AFF1: variants seen among roughly 807,000 people sequenced by gnomAD.
AFF1 encodes the protein ALF transcription elongation factor 1, also known as AF4/FMR2 family member 1.
Under a neutral mutation model 121.7 loss-of-function variants are expected in AFF1, and 48 were observed. The observed-to-expected ratio is 0.39, with a 90% CI of 0.31 to 0.50. The LOEUF (loss-of-function observed/expected upper bound fraction) is 0.50. Ranked by LOEUF, AFF1 falls within the 20% of genes least tolerant of loss-of-function variation. AFF1 has a pLI of 0.76. For missense variants in AFF1, 1,523 were observed against 1,511.7 expected, an observed-to-expected ratio of 1.01 and a Z score of -0.12; for synonymous variants, 613 against 563.0, an observed-to-expected ratio of 1.09 and a Z score of -1.26.
intron 2 of AFF1, among the ~76,000 whole-genome samples, chr4:86,998,960 C>T (rs1725477231): frequency 6.6e-6 from 1 of 152,260 alleles, no homozygotes; most frequent in South Asian, 2.1e-4. Context: ...GTGATTGGCT[C>T]ATAAATTAGG....
At chr4:87,050,781 C>T (rs1032097790) in intron 4 of AFF1, among the ~76,000 whole-genome samples, 6 of 148,480 alleles carry the variant, frequency 4.0e-5, no homozygotes, top group African/African-American at 1.2e-4. Flanking sequence ...CCCAGAACTC[C>T]GCGATCTCAC....
chr4:87,127,160 T>A, intron 15 of AFF1, 43 bp downstream of exon 15: 1 of 1,474,268 alleles, frequency 6.8e-7, no homozygotes, highest in Non-Finnish European at 9.3e-7. Flanking sequence ...TTTGTTTTGT[T>A]TTGCTTCCCC....
At chr4:86,983,276 C>T (rs1042046462) in intron 2 of AFF1, among the ~76,000 whole-genome samples, 10 of 152,104 alleles carry the variant, frequency 6.6e-5, no homozygotes, top group Admixed American at 3.3e-4. Context: ...TCCTGTAATC[C>T]CAGCATTTTG....
chr4:87,056,397 C>G (rs1267963875), intron 4 of AFF1, among the ~76,000 whole-genome samples: 2 of 152,166 alleles, frequency 1.3e-5, no homozygotes, highest in Non-Finnish European at 2.9e-5. Context: ...CAACCCCACA[C>G]TATATTATAG....
At chr4:86,988,844 A>C (rs1367325391) in intron 2 of AFF1, among the ~76,000 whole-genome samples, 3 of 152,196 alleles carry the variant, frequency 2.0e-5, no homozygotes, top group African/African-American at 4.8e-5. Context: ...ACAGATACAT[A>C]GACCAATGGA....
chr4:87,095,338 C>G (rs1035586486), intron 8 of AFF1, among the ~76,000 whole-genome samples: 3 of 152,152 alleles, frequency 2.0e-5, no homozygotes, highest in Non-Finnish European at 4.4e-5. Context: ...AGGCTAGTCT[C>G]GAACTCCTGA....
intron 12 of AFF1, among the ~76,000 whole-genome samples, chr4:87,120,365 A>C (rs1036071953): frequency 6.6e-6 from 1 of 152,200 alleles, no homozygotes; most frequent in Non-Finnish European, 1.5e-5. Flanking sequence ...TACCAAGCTC[A>C]TTTGCTTCCT....
At chr4:86,968,229 A>C (rs539747514) in intron 2 of AFF1, among the ~76,000 whole-genome samples, 66 of 152,278 alleles carry the variant, frequency 4.3e-4, no homozygotes, top group African/African-American at 1.4e-3. Flanking sequence ...TATGGCATTT[A>C]AATTGTTTTT....
chr4:86,951,623 CTTTT>C (rs1285365564), intron 2 of AFF1, among the ~76,000 whole-genome samples: 9 of 69,418 alleles, frequency 1.3e-4, no homozygotes, highest in African/African-American at 3.2e-4. Flanking sequence ...TTCTTTTTTT[CTTTT>C]TTTTTTTTTT....
At chr4:87,007,228 A>AGCCCGGGGCTGCGCCGAGGAC (rs1224047500) in intron 2 of AFF1, 17 of 1,462,906 alleles carry the variant, frequency 1.2e-5, no homozygotes, top group East Asian at 2.4e-5. Context: ...ATACGGGCCG[A>AGCCCGGGGCTGCGCCGAGGAC]GCCCGGGGCT....
At chr4:87,106,791 A>T (rs1358222310) in intron 10 of AFF1, among the ~76,000 whole-genome samples, 2 of 152,260 alleles carry the variant, frequency 1.3e-5, no homozygotes, top group Non-Finnish European at 2.9e-5. Context: ...CCACTCAGAG[A>T]CGACATTAGC....
intron 11 of AFF1, among the ~76,000 whole-genome samples, chr4:87,109,451 GC>G (rs1450351862): frequency 6.6e-6 from 1 of 152,192 alleles, no homozygotes; most frequent in Admixed American, 6.5e-5. Flanking sequence ...CACTTGAAGT[GC>G]CTTTCAGATT....
At chr4:86,998,828 T>C (rs1725458388) in intron 2 of AFF1, among the ~76,000 whole-genome samples, 2 of 152,180 alleles carry the variant, frequency 1.3e-5, no homozygotes, top group Non-Finnish European at 2.9e-5. Context: ...AAGAGAAGTA[T>C]CTAAAGTGAG....
At chr4:86,971,777 A>G (rs1217417376) in intron 2 of AFF1, among the ~76,000 whole-genome samples, 2 of 152,224 alleles carry the variant, frequency 1.3e-5, no homozygotes, top group African/African-American at 4.8e-5. Context: ...GTAGAGATGA[A>G]TTATGAGTGG....
intron 2 of AFF1, among the ~76,000 whole-genome samples, chr4:86,962,145 CT>C (rs3035474): frequency 0.17 from 21,372 of 122,356 alleles, 1,690 homozygotes; most frequent in Non-Finnish European, 0.2. Context: ...GTTATTGTTT[CT>C]TTTTTTTTTT....
In AFF1 at chr4:87,020,330, A is replaced by C. The variant is rs575939178; in HGVS notation, c.39-25836A>C. On this transcript the variant is annotated intron_variant, in intron 2 of 20. Transcript: ENST00000395146. ...ATGTAAGAAAGAACGTATTTGCTTT[A>C]TTTTCAGAGTCCAGAGATAAATGTG... Among the ~76,000 whole-genome samples the C allele has an allele frequency of 4.6e-5, 7 of 152,214 alleles. No individual in the cohort carries two copies. In the East Asian group the frequency reaches 1.3e-3, roughly 29 times the overall value.
intron 11 of AFF1, among the ~76,000 whole-genome samples, chr4:87,113,166 T>TA (rs1377797958): frequency 6.6e-6 from 1 of 152,252 alleles, no homozygotes; most frequent in African/African-American, 2.4e-5. Flanking sequence ...GCCAGGAACC[T>TA]ATGTTTTTAT....
intron 2 of AFF1, among the ~76,000 whole-genome samples, chr4:87,022,765 T>C (rs1728151924): frequency 6.7e-6 from 1 of 150,292 alleles, no homozygotes; most frequent in Non-Finnish European, 1.5e-5. Context: ...TATAATATCA[T>C]GTGTGTGTAT....
At chr4:87,032,109 TGAAG>T (rs1467392223) in intron 2 of AFF1, among the ~76,000 whole-genome samples, 19 of 152,200 alleles carry the variant, frequency 1.2e-4, no homozygotes, top group Non-Finnish European at 2.8e-4. Flanking sequence ...AGAGGTCAAA[TGAAG>T]GGAGACTTCT....
Sources: gnomAD v4.1 joint callset for allele counts (sites outside exome capture counted in the v4.1 genomes callset) on GRCh38, gnomAD v4.1.1 for gene constraint, MANE v1.5 for transcripts, NCBI Gene and HGNC (gene_info 2026-07-23, HGNC 2026-07-21) for gene names.